The following LPXN variants were observed in gnomAD, a reference collection of about 807,000 sequenced individuals.
The protein encoded by LPXN is leupaxin.
LPXN carries 28 observed loss-of-function variants against 45.6 expected under a neutral mutation model. The observed-to-expected ratio is 0.61, with a 90% confidence interval of 0.45 to 0.84. The LOEUF is 0.84. Ranked by LOEUF, LPXN falls within the 40% of genes least tolerant of loss-of-function variation. LPXN has a pLI of 0.00. For missense variants in LPXN, 459 were observed against 475.0 expected (o/e 0.97, Z 0.31); for synonymous variants, 166 against 169.9 (o/e 0.98, Z 0.18).
chr11:58,575,996 GTAGA>G (rs1208534157), upstream of LPXN: 3 of 1,352,618 alleles, frequency 2.2e-6, no homozygotes, highest in Non-Finnish European at 1.9e-6. Context: ...ACATAGAAAG[GTAGA>G]TAGTAAGATT....
At chr11:58,571,763 A>G (rs1854709126) in intron 1 of LPXN, among the ~76,000 whole-genome samples, 1 of 152,042 alleles carries the variant, frequency 6.6e-6, no homozygotes, top group South Asian at 2.1e-4. Context: ...CACTGTGCTC[A>G]GGAGTTTACA....
chr11:58,577,291 A>T (rs754916088), upstream of LPXN, among the ~76,000 whole-genome samples: 1 of 152,230 alleles, frequency 6.6e-6, no homozygotes, highest in Non-Finnish European at 1.5e-5. Flanking sequence ...ATTACAACTG[A>T]AAATGACATT....
chr11:58,578,832 T>G (rs1348132057), upstream of LPXN, among the ~76,000 whole-genome samples: 1 of 151,658 alleles, frequency 6.6e-6, no homozygotes, highest in Non-Finnish European at 1.5e-5. Flanking sequence ...TAGCGCGCGT[T>G]GAAGTCTGGA....
intron 3 of LPXN, 46 bp downstream of exon 3, chr11:58,564,109 T>A (rs367738021): frequency 4.3e-6 from 5 of 1,164,782 alleles, no homozygotes; most frequent in Non-Finnish European, 6.3e-6. Flanking sequence ...ATAACAATTA[T>A]CTACTAACTT....
chr11:58,540,907 T>G (rs959259830), intron 7 of LPXN, among the ~76,000 whole-genome samples: 2 of 152,138 alleles, frequency 1.3e-5, no homozygotes, highest in Non-Finnish European at 2.9e-5. Context: ...CTATCTGATC[T>G]TTGACAAACC....
intron 3 of LPXN, 72 bp from the exon 4 acceptor site, chr11:58,555,012 C>G: frequency 1.0e-6 from 1 of 952,506 alleles, no homozygotes; most frequent in Non-Finnish European, 1.7e-6. Context: ...ACATAAAGTA[C>G]TGGAAATGCA....
At chr11:58,537,936 C>T (rs1404087553) in intron 7 of LPXN, among the ~76,000 whole-genome samples, 1 of 119,634 alleles carries the variant, frequency 8.4e-6, no homozygotes, top group East Asian at 2.9e-4. Context: ...CCCCACCCCA[C>T]AACAGTCCCC....
chr11:58,562,911 C>G (rs906742105), intron 3 of LPXN, among the ~76,000 whole-genome samples: 1 of 152,050 alleles, frequency 6.6e-6, no homozygotes, highest in African/African-American at 2.4e-5. Context: ...GATCCTGGAG[C>G]CTGGAAAACC....
At chr11:58,554,742 G>A in intron 4 of LPXN, 99 bp downstream of exon 4, 2 of 793,956 alleles carry the variant, frequency 2.5e-6, no homozygotes, top group South Asian at 2.0e-5. Flanking sequence ...GGAGAATGGA[G>A]AGCTGAGTTC....
At chr11:58,563,772 C>T (rs553829850) in intron 3 of LPXN, among the ~76,000 whole-genome samples, 1 of 152,292 alleles carries the variant, frequency 6.6e-6, no homozygotes, top group South Asian at 2.1e-4. Flanking sequence ...TTAGTTTAAC[C>T]CTCATCCTAG....
intron 4 of LPXN, 62 bp from the exon 5 acceptor site, chr11:58,551,294 T>TAATG: frequency 7.2e-7 from 1 of 1,383,724 alleles, no homozygotes; most frequent in Non-Finnish European, 9.7e-7. Context: ...TGGCATCTTC[T>TAATG]AATGACTCTA....
At chr11:58,532,443 C>G (rs1388645795) in intron 7 of LPXN, among the ~76,000 whole-genome samples, 1 of 152,258 alleles carries the variant, frequency 6.6e-6, no homozygotes, top group Non-Finnish European at 1.5e-5. Context: ...TTATGTCTAG[C>G]TAGAGGATTG....
intron 7 of LPXN, among the ~76,000 whole-genome samples, chr11:58,535,689 G>C (rs1853530427): frequency 6.6e-6 from 1 of 152,166 alleles, no homozygotes; most frequent in Non-Finnish European, 1.5e-5. Context: ...GCAACAGAAA[G>C]AAATAAAGGG....
intron 2 of LPXN, among the ~76,000 whole-genome samples, chr11:58,567,314 G>T (rs1237942940): frequency 3.3e-5 from 5 of 152,158 alleles, no homozygotes; most frequent in African/African-American, 1.2e-4. Flanking sequence ...TTCACTTTTT[G>T]ACTAGGAAAT....
rs7943056 is a variant in LPXN, at chr11:58,535,667, T to C, written c.743-7476A>G. On this transcript the variant is annotated intron_variant, in intron 7 of 8. Coordinates refer to ENST00000395074, the MANE Select transcript of LPXN (RefSeq NM_004811.3). The stretch of plus-strand genomic sequence containing the variant: ...TCAACATAGTGTTGGAAGTTCTCGC[T>C]AGGGCAATCAGGCAACAGAAAGAAA... Among the ~76,000 whole-genome samples the C allele has an allele frequency of 3.8e-3, 573 of 152,244 alleles. 3 individuals carry two copies. Among genetic ancestry groups the C allele is most frequent in the African/African-American group, 0.012 (519 of 41,526 alleles).
At chr11:58,567,616 T>G (rs1854563292) in intron 2 of LPXN, among the ~76,000 whole-genome samples, 1 of 152,240 alleles carries the variant, frequency 6.6e-6, no homozygotes, top group Non-Finnish European at 1.5e-5. Context: ...CGTGTTGAAG[T>G]CATTTTAAGG....
intron 7 of LPXN, among the ~76,000 whole-genome samples, chr11:58,537,656 T>C (rs1251507560): frequency 6.6e-6 from 1 of 151,738 alleles, no homozygotes; most frequent in Admixed American, 6.6e-5. Flanking sequence ...ACTTAAAGTA[T>C]AATAATAATA....
intron 7 of LPXN, among the ~76,000 whole-genome samples, chr11:58,536,084 C>T (rs1853544657): frequency 6.6e-6 from 1 of 152,134 alleles, no homozygotes; most frequent in Non-Finnish European, 1.5e-5. Context: ...GCCATACTGC[C>T]CAAAGTAATT....
rs141909528 is a variant in LPXN at position 58,570,557 on chromosome 11, G to A, written c.170C>T (p.Pro57Leu). The change falls in exon 2 of 9, where the codon CCG (proline) becomes CTG (leucine). Residue 57 changes from proline to leucine, a missense_variant and splice_region_variant. Pro to Leu is a moderately conservative substitution (Grantham distance 98, BLOSUM62 -3). Transcript: ENST00000395074. ...LSIQDNTSPL[P>L]AQLVYTTNIQ... ...GGACTATAATAAATGAAAATTTACC[G>A]GCAAGGGACTTGTGTTATCCTGAAT... The A allele has an allele frequency of 7.2e-4, 1,149 of 1,603,364 alleles. No homozygotes were observed. The highest frequency in any genetic ancestry group is 1.8e-3 in the African/African-American group (138 of 74,766).
Sources: gnomAD v4.1 joint callset for allele counts (sites outside exome capture counted in the v4.1 genomes callset) on GRCh38, gnomAD v4.1.1 for gene constraint, MANE v1.5 for transcripts, NCBI Gene and HGNC (gene_info 2026-07-23, HGNC 2026-07-21) for gene names.